WDR35: variants seen among roughly 807,000 people sequenced by gnomAD.
WDR35 encodes WD repeat-containing protein 35.
In WDR35, 118 loss-of-function variants were observed where a neutral mutation model predicts 158.3. That is an observed-to-expected ratio of 0.75 (90% CI 0.64 to 0.87). The LOEUF is 0.87. Ranked by LOEUF, WDR35 falls within the 40% of genes least tolerant of loss-of-function variation. The pLI, the probability that WDR35 is intolerant of heterozygous loss-of-function variation, is 0.00. For synonymous variants in WDR35, 448 were observed against 476.1 expected, an observed-to-expected ratio of 0.94 and a Z score of 0.77; for missense variants, 1,263 against 1,405.8, an observed-to-expected ratio of 0.90 and a Z score of 1.62.
At chr2:19,945,743 G>A in intron 16 of WDR35, 43 bp downstream of exon 16, 1 of 1,605,938 alleles carries the variant, frequency 6.2e-7, no homozygotes, top group Non-Finnish European at 8.5e-7. Context: ...TTTATATTTG[G>A]CTCATTATTT....
intron 10 of WDR35, among the ~76,000 whole-genome samples, chr2:19,961,586 C>T (rs1671660664): frequency 6.6e-6 from 1 of 152,170 alleles, no homozygotes. Flanking sequence ...CATGGCTTTG[C>T]CTGTATGATC....
intron 2 of WDR35, 107 bp downstream of exon 2, chr2:19,989,058 C>G: frequency 9.7e-7 from 1 of 1,028,942 alleles, no homozygotes; most frequent in Non-Finnish European, 1.5e-6. Context: ...GTAGTTTTCC[C>G]TTTAAAATAA....
intron 8 of WDR35, among the ~76,000 whole-genome samples, chr2:19,970,290 T>C (rs1671998125): frequency 6.6e-6 from 1 of 152,214 alleles, no homozygotes; most frequent in South Asian, 2.1e-4. Context: ...TGAAATATTT[T>C]ATTAGCAAAT....
At chr2:19,930,656 T>C in intron 24 of WDR35, 104 bp from the exon 25 acceptor site, 1 of 1,532,184 alleles carries the variant, frequency 6.5e-7, no homozygotes, top group Non-Finnish European at 8.9e-7. Flanking sequence ...GCAGATTTTA[T>C]CATTACAAAA....
rs1344423060 is a variant in WDR35 at position 19,976,994 on chromosome 2, TG to T, written c.437-1332del. On this transcript the variant is annotated intron_variant, in intron 5 of 26. Coordinates refer to ENST00000281405, the MANE Select transcript of WDR35 (RefSeq NM_020779.4). Reference sequence around the variant, plus strand: ...GCCACCACGCCCAGATAATTTGTTTTGTTTTTTTTTTATTTTTAGCACAGAC... The same window carrying T: ...GCCACCACGCCCAGATAATTTGTTTTTTTTTTTTTTATTTTTAGCACAGAC... Among the ~76,000 whole-genome samples, 7 of 152,106 alleles carry T rather than the reference TG, an allele frequency of 4.6e-5. No individual in the cohort carries two copies. In the East Asian group the frequency reaches 7.8e-4, roughly 17 times the overall value.
chr2:19,989,641 T>C (rs1411557261), intron 1 of WDR35, among the ~76,000 whole-genome samples: 2 of 152,234 alleles, frequency 1.3e-5, no homozygotes, highest in African/African-American at 4.8e-5. Context: ...TTCTTTTCTC[T>C]TGCCCAATGG....
rs1479416350 is a variant in WDR35, at chr2:19,931,452, T to C, written c.2824-43A>G. 3 of 1,605,940 alleles carry C rather than the reference T, an allele frequency of 1.9e-6. No homozygotes were observed. In the African/African-American group the frequency reaches 4.0e-5, roughly 21 times the overall value. The stretch of plus-strand genomic sequence containing the variant: ...ATTGAGGGAAGTTACTTCTTATCTA[T>C]ATTTGTACAAATACAATCATTTCCA... On this transcript the variant is annotated intron_variant, in intron 23 of 26. Coordinates refer to ENST00000281405, the MANE Select transcript of WDR35 (RefSeq NM_020779.4).
At chr2:19,923,847 T>A (rs954382312) in intron 25 of WDR35, among the ~76,000 whole-genome samples, 2 of 152,204 alleles carry the variant, frequency 1.3e-5, no homozygotes, top group Admixed American at 6.5e-5. Context: ...TTAAACAAGC[T>A]ATAAATCAGT....
intron 11 of WDR35, among the ~76,000 whole-genome samples, chr2:19,959,833 T>C (rs1453757786): frequency 1.3e-5 from 2 of 152,094 alleles, no homozygotes; most frequent in Non-Finnish European, 2.9e-5. Flanking sequence ...TTTACAATAC[T>C]GTATCCAATA....
intron 9 of WDR35, 43 bp downstream of exon 9, chr2:19,969,437 A>G (rs199539037): frequency 2.6e-4 from 414 of 1,578,806 alleles, no homozygotes; most frequent in Middle Eastern, 1.0e-3. Flanking sequence ...AAAATTATTT[A>G]GTAAGAAACA....
At chr2:19,952,611 T>C (rs1435635536) in intron 12 of WDR35, among the ~76,000 whole-genome samples, 1 of 152,142 alleles carries the variant, frequency 6.6e-6, no homozygotes, top group Non-Finnish European at 1.5e-5. Flanking sequence ...GGCCTCTGCT[T>C]ATTATTGCTA....
At chr2:19,916,637 G>A (rs553324306) in intron 25 of WDR35, among the ~76,000 whole-genome samples, 1 of 152,320 alleles carries the variant, frequency 6.6e-6, no homozygotes, top group South Asian at 2.1e-4. Context: ...TTGAAACTGG[G>A]CGGAGCCCAC....
intron 2 of WDR35, among the ~76,000 whole-genome samples, chr2:19,986,348 A>T (rs1672564911): frequency 6.6e-6 from 1 of 152,336 alleles, no homozygotes; most frequent in Non-Finnish European, 1.5e-5. Context: ...CATACCACAG[A>T]TGGCATTTAA....
chr2:19,928,812 T>G (rs958386397), intron 25 of WDR35, among the ~76,000 whole-genome samples: 1 of 151,050 alleles, frequency 6.6e-6, no homozygotes, highest in Admixed American at 6.6e-5. Flanking sequence ...AGATACTATT[T>G]TTTTTTTTTT....
At chr2:19,962,205 CT>C in intron 10 of WDR35, 1 of 1,388,124 alleles carries the variant, frequency 7.2e-7, no homozygotes, top group South Asian at 1.2e-5. Flanking sequence ...CTGAAGTCCC[CT>C]CATATTGCTA....
At chr2:19,968,193 G>T (rs544633380) in intron 9 of WDR35, among the ~76,000 whole-genome samples, 2 of 152,278 alleles carry the variant, frequency 1.3e-5, no homozygotes, top group African/African-American at 4.8e-5. Flanking sequence ...CCATATCAGG[G>T]GGCATGTGAT....
rs1669794472 is a variant in WDR35, at chr2:19,910,343, AGAAAAATAGT to A, written c.*3205_*3214del. ...TCTAAGATCTCAGCTCTTGGAATACAGAAAAATAGTTTCAAAGTGTATTTTAGCAAAACAA... is the reference window on the plus strand; with the variant it reads ...TCTAAGATCTCAGCTCTTGGAATACATTCAAAGTGTATTTTAGCAAAACAA... On this transcript the variant is annotated 3_prime_UTR_variant, in exon 27 of 27. Coordinates refer to ENST00000281405, the MANE Select transcript of WDR35 (RefSeq NM_020779.4). 6.6e-6 allele frequency: 1 copy of A among 152,250 alleles called. No homozygotes were observed. Among genetic ancestry groups the A allele is most frequent in the Non-Finnish European group, 1.5e-5 (1 of 68,040 alleles). The allele number at this position is 152,250 out of a possible 1,614,324, so 9.4% of individuals were successfully genotyped here. A position where few individuals can be genotyped will look rare whatever the true frequency, so the allele number is the denominator to read the frequency against.
At chr2:19,925,939 G>T (rs1386832999) in intron 25 of WDR35, among the ~76,000 whole-genome samples, 1 of 152,164 alleles carries the variant, frequency 6.6e-6, no homozygotes, top group East Asian at 1.9e-4. Flanking sequence ...CTTTAAAATG[G>T]TTAACAGATA....
chr2:19,978,608 C>T (rs1672284361), intron 5 of WDR35, 143 bp downstream of exon 5: 7 of 1,275,026 alleles, frequency 5.5e-6, no homozygotes, highest in East Asian at 4.8e-5. Flanking sequence ...TCTTGAATGT[C>T]GTCAAATTGT....
Sources: allele counts gnomAD v4.1 joint callset (sites outside exome capture counted in the v4.1 genomes callset), GRCh38; gene constraint gnomAD v4.1.1; transcripts MANE v1.5; gene names NCBI Gene and HGNC (gene_info 2026-07-23, HGNC 2026-07-21).